TASP1: variants seen among roughly 807,000 people sequenced by gnomAD.
TASP1 encodes threonine aspartase 1.
TASP1 carries 16 observed loss-of-function variants against 56.6 expected under a neutral mutation model. That is an observed-to-expected ratio of 0.28 (90% CI 0.19 to 0.43). The LOEUF (loss-of-function observed/expected upper bound fraction) is 0.43. Among genes scored for constraint, TASP1 ranks in the 20% least tolerant of loss-of-function variants. The pLI, the probability that TASP1 is intolerant of heterozygous loss-of-function variation, is 1.00. For synonymous variants in TASP1, 179 were observed against 184.2 expected (o/e 0.97, Z 0.23); for missense variants, 393 against 511.6 (o/e 0.77, Z 2.24).
the TASP1 span, among the ~76,000 whole-genome samples, chr20:13,364,574 C>T: frequency 4.6e-5 from 7 of 152,082 alleles, no homozygotes; most frequent in Admixed American, 6.6e-5. Context: ...TATATAGCAG[C>T]CTGCCCTGTG....
At chr20:13,267,924 T>C in the TASP1 span, among the ~76,000 whole-genome samples, 1 of 152,182 alleles carries the variant, frequency 6.6e-6, no homozygotes, top group African/African-American at 2.4e-5. Flanking sequence ...CCAAGATTTG[T>C]AATCCTAAAT....
the TASP1 span, among the ~76,000 whole-genome samples, chr20:13,126,369 C>T: frequency 6.6e-6 from 1 of 152,194 alleles, no homozygotes; most frequent in African/African-American, 2.4e-5. Context: ...CCTGCAGCAT[C>T]CTGCTTTGCT....
At chr20:13,193,948 G>A in the TASP1 span, among the ~76,000 whole-genome samples, 7 of 144,496 alleles carry the variant, frequency 4.8e-5, no homozygotes, top group Non-Finnish European at 8.8e-5. Context: ...ATAACCACCT[G>A]TAGATGCAAG....
At chr20:13,259,498 G>C in the TASP1 span, among the ~76,000 whole-genome samples, 3 of 152,058 alleles carry the variant, frequency 2.0e-5, no homozygotes, top group Non-Finnish European at 4.4e-5. Context: ...TAAAGAAAAA[G>C]CACATGTCAA....
At chr20:13,196,503 T>C in the TASP1 span, among the ~76,000 whole-genome samples, 1 of 152,154 alleles carries the variant, frequency 6.6e-6, no homozygotes, top group Non-Finnish European at 1.5e-5. Flanking sequence ...ATTTGGGTAG[T>C]AGAAAGAACT....
intron 2 of TASP1, among the ~76,000 whole-genome samples, chr20:13,629,279 G>A (rs2049002299): frequency 6.7e-6 from 1 of 150,108 alleles, no homozygotes; most frequent in Non-Finnish European, 1.5e-5. Context: ...CAGGTGAATT[G>A]CTTGAACTTG....
chr20:13,516,734 C>T (rs8117473), intron 10 of TASP1, among the ~76,000 whole-genome samples: 2 of 143,970 alleles, frequency 1.4e-5, no homozygotes, highest in Non-Finnish European at 3.0e-5. Flanking sequence ...CACAAAACAA[C>T]AACAAAGCAA....
chr20:13,374,224 A>T, the TASP1 span, among the ~76,000 whole-genome samples: 1 of 152,158 alleles, frequency 6.6e-6, no homozygotes, highest in African/African-American at 2.4e-5. Context: ...ATAAAATCTG[A>T]CATTTGGTCC....
the TASP1 span, among the ~76,000 whole-genome samples, chr20:13,236,150 C>G: frequency 6.6e-6 from 1 of 152,112 alleles, no homozygotes; most frequent in South Asian, 2.1e-4. Flanking sequence ...GTCTCGATCT[C>G]TTAACCTTGT....
At chr20:13,150,667 A>G in the TASP1 span, among the ~76,000 whole-genome samples, 1 of 152,186 alleles carries the variant, frequency 6.6e-6, no homozygotes, top group Non-Finnish European at 1.5e-5. Context: ...CAATCATTAA[A>G]TGTGGGATTC....
At chr20:13,270,388 T>A in the TASP1 span, 1 of 1,194,244 alleles carries the variant, frequency 8.4e-7, no homozygotes, top group Non-Finnish European at 1.2e-6. Context: ...AATGCCCTAC[T>A]GGCTTAATTT....
downstream of TASP1, among the ~76,000 whole-genome samples, chr20:13,385,794 C>A (rs983533859): frequency 6.6e-6 from 1 of 152,208 alleles, no homozygotes; most frequent in Non-Finnish European, 1.5e-5. Flanking sequence ...TCAAAAACTG[C>A]GAAACACATA....
chr20:13,492,558 C>T (rs182344676), intron 10 of TASP1, among the ~76,000 whole-genome samples: 2 of 152,086 alleles, frequency 1.3e-5, no homozygotes, highest in Non-Finnish European at 2.9e-5. Flanking sequence ...GGTTATCAAA[C>T]CTGGAACCTA....
intron 10 of TASP1, among the ~76,000 whole-genome samples, chr20:13,495,213 A>G (rs1421671069): frequency 6.6e-6 from 1 of 152,148 alleles, no homozygotes; most frequent in Non-Finnish European, 1.5e-5. Context: ...GATCTCTTTA[A>G]AAGCTGAAAA....
intron 11 of TASP1, among the ~76,000 whole-genome samples, chr20:13,478,192 C>T (rs537632906): frequency 1.1e-4 from 17 of 152,030 alleles, no homozygotes; most frequent in African/African-American, 3.6e-4. Flanking sequence ...AGTCTGGAAC[C>T]GCAATTATTT....
chr20:13,288,346 T>A, the TASP1 span, among the ~76,000 whole-genome samples: 1 of 152,182 alleles, frequency 6.6e-6, no homozygotes, highest in Non-Finnish European at 1.5e-5. Flanking sequence ...GCCCAAAACC[T>A]CCTTGCTGTC....
chr20:13,129,831 A>T, the TASP1 span, among the ~76,000 whole-genome samples: 5 of 152,300 alleles, frequency 3.3e-5, no homozygotes, highest in East Asian at 1.9e-4. Flanking sequence ...GAGGTAGTAG[A>T]TATTTCCCTT....
At chr20:13,576,397 G>GAAA (rs1568603463) in intron 6 of TASP1, among the ~76,000 whole-genome samples, 8 of 149,808 alleles carry the variant, frequency 5.3e-5, no homozygotes, top group African/African-American at 2.0e-4. Context: ...AAGAAAGAAA[G>GAAA]TCAGTCTTAT....
rs191370255 is a variant in TASP1 at position 13,627,859 on chromosome 20, C to T, written c.145+2075G>A. Reference sequence around the variant, plus strand: ...TTTTTCCTGTAAATAATTAGGAAGACCAAACAACACCAGAGATAAGACCCT... The same window carrying T: ...TTTTTCCTGTAAATAATTAGGAAGATCAAACAACACCAGAGATAAGACCCT... On this transcript the variant is annotated intron_variant, in intron 2 of 13. Transcript: ENST00000337743. 2.5e-3 allele frequency among the ~76,000 whole-genome samples: 380 copies of T among 152,064 alleles called. 1 individual carries two copies. Among genetic ancestry groups the T allele is most frequent in the Non-Finnish European group, 4.4e-3 (298 of 68,002 alleles).
Sources: gnomAD v4.1 joint callset for allele counts (sites outside exome capture counted in the v4.1 genomes callset) on GRCh38, gnomAD v4.1.1 for gene constraint, MANE v1.5 for transcripts, NCBI Gene and HGNC (gene_info 2026-07-23, HGNC 2026-07-21) for gene names.